Variants in HDAC9 observed in about 807,000 individuals in gnomAD.
HDAC9 encodes the protein MEF-2 interacting transcription repressor (MITR) protein.
Under a neutral mutation model 139.4 loss-of-function variants are expected in HDAC9, and 41 were observed. The ratio of observed to expected loss-of-function variants is 0.29; its 90% confidence interval spans 0.23 to 0.38. The LOEUF (loss-of-function observed/expected upper bound fraction) is 0.38, where lower values mean the gene tolerates loss of function less well. HDAC9 is among the 10% of genes least tolerant of loss of function. The pLI is 1.00. For missense variants in HDAC9, 1,147 were observed against 1,297.0 expected (o/e 0.88, Z 1.78); for synonymous variants, 517 against 476.2 (o/e 1.09, Z -1.12).
chr7:18,784,268 G>C lies in HDAC9; in HGVS notation c.2215-9077G>C, dbSNP rs565878521. On this transcript the variant is annotated intron_variant, in intron 16 of 25. Transcript: ENST00000686413. ...CTTTTCTTCTCTTTTCTTTTCTTTCGTGTCTCACCTTGTTACCCAGACTGG... is the reference window on the plus strand; with the variant it reads ...CTTTTCTTCTCTTTTCTTTTCTTTCCTGTCTCACCTTGTTACCCAGACTGG... Among the ~76,000 whole-genome samples the C allele has an allele frequency of 4.0e-5, 6 of 150,738 alleles. No homozygotes were observed. In the South Asian group the frequency reaches 1.3e-3, roughly 32 times the overall value.
At chr7:18,282,503 A>G (rs1012442393) in intron 2 of HDAC9, among the ~76,000 whole-genome samples, 3 of 152,192 alleles carry the variant, frequency 2.0e-5, no homozygotes, top group Non-Finnish European at 4.4e-5. Flanking sequence ...TTCTTAAACA[A>G]GACAATGCAA....
chr7:18,213,724 A>G (rs916379586), intron 2 of HDAC9, among the ~76,000 whole-genome samples: 4 of 152,198 alleles, frequency 2.6e-5, no homozygotes, highest in Non-Finnish European at 4.4e-5. Context: ...GAAACTATCA[A>G]TTCTTCCATT....
chr7:18,116,417 G>A (rs1252427088), intron 1 of HDAC9, among the ~76,000 whole-genome samples: 1 of 152,004 alleles, frequency 6.6e-6, no homozygotes, highest in African/African-American at 2.4e-5. Context: ...TTAATCAAAA[G>A]TACTGTGTAT....
At chr7:18,412,384 A>G (rs1480905555) in intron 1 of HDAC9, among the ~76,000 whole-genome samples, 1 of 152,230 alleles carries the variant, frequency 6.6e-6, no homozygotes, top group Non-Finnish European at 1.5e-5. Context: ...TGTATCAATC[A>G]GAGGAGAAAA....
At chr7:18,473,156 A>C (rs1401560652) in intron 1 of HDAC9, among the ~76,000 whole-genome samples, 5 of 152,044 alleles carry the variant, frequency 3.3e-5, no homozygotes, top group African/African-American at 1.2e-4. Context: ...ATTACTTAAC[A>C]CCCATTCAAA....
intron 22 of HDAC9, among the ~76,000 whole-genome samples, chr7:18,900,579 G>C (rs1261894053): frequency 6.6e-6 from 1 of 152,144 alleles, no homozygotes; most frequent in Non-Finnish European, 1.5e-5. Context: ...TATGAGAGAG[G>C]TGTTTGCTTA....
At chr7:18,341,316 A>T (rs1479744190) in intron 1 of HDAC9, among the ~76,000 whole-genome samples, 1 of 151,326 alleles carries the variant, frequency 6.6e-6, no homozygotes, top group East Asian at 1.9e-4. Flanking sequence ...AAATTTGAAA[A>T]TTTTTTTGCC....
At chr7:18,138,194 C>CT (rs1785583856) in intron 1 of HDAC9, among the ~76,000 whole-genome samples, 1 of 152,060 alleles carries the variant, frequency 6.6e-6, no homozygotes, top group Non-Finnish European at 1.5e-5. Flanking sequence ...ATTCTTCTCT[C>CT]TTTTTTTCTT....
chr7:18,375,264 G>T (rs1562930704), intron 1 of HDAC9, among the ~76,000 whole-genome samples: 1 of 152,174 alleles, frequency 6.6e-6, no homozygotes, highest in Non-Finnish European at 1.5e-5. Flanking sequence ...CAGTTCAGGA[G>T]TTTGAGACCA....
intron 25 of HDAC9, among the ~76,000 whole-genome samples, chr7:18,980,705 TTCCTTCTTCCTC>T (rs1784859040): frequency 7.2e-6 from 1 of 138,516 alleles, no homozygotes; most frequent in African/African-American, 2.6e-5. Context: ...TTCCTTCTTC[TTCCTTCTTCCTC>T]TTCTTCTTCC....
chr7:18,193,111 A>T (rs1000492726), intron 2 of HDAC9, among the ~76,000 whole-genome samples: 1 of 152,184 alleles, frequency 6.6e-6, no homozygotes, highest in African/African-American at 2.4e-5. Flanking sequence ...AATTGGATCA[A>T]AGATGCTGAT....
chr7:18,374,089 C>T (rs905948779), intron 1 of HDAC9, among the ~76,000 whole-genome samples: 1 of 151,096 alleles, frequency 6.6e-6, no homozygotes, highest in Non-Finnish European at 1.5e-5. Context: ...TGAAAAAATG[C>T]TTATTCACTA....
At chr7:18,222,356 T>G (rs1562764550) in intron 2 of HDAC9, among the ~76,000 whole-genome samples, 1 of 152,176 alleles carries the variant, frequency 6.6e-6, no homozygotes, top group Non-Finnish European at 1.5e-5. Flanking sequence ...GACAAGGACC[T>G]TATTAAACCT....
At chr7:18,273,014 C>CTTCT (rs1276143784) in intron 2 of HDAC9, among the ~76,000 whole-genome samples, 119 of 139,912 alleles carry the variant, frequency 8.5e-4, no homozygotes, top group Admixed American at 1.9e-3. Flanking sequence ...CTTCTTCTTC[C>CTTCT]TCCTCCTCCT....
At chr7:18,753,005 C>T (rs184908736) in intron 14 of HDAC9, among the ~76,000 whole-genome samples, 48 of 152,126 alleles carry the variant, frequency 3.2e-4, no homozygotes, top group African/African-American at 1.1e-3. Flanking sequence ...GTACTTTTGG[C>T]CTGGACACCA....
intron 1 of HDAC9, among the ~76,000 whole-genome samples, chr7:18,376,996 A>AT (rs1169131412): frequency 6.6e-6 from 1 of 152,132 alleles, no homozygotes; most frequent in African/African-American, 2.4e-5. Context: ...TTATTGATGA[A>AT]TTAAAGAGAC....
chr7:18,757,733 G>A (rs1584983920), intron 14 of HDAC9, among the ~76,000 whole-genome samples: 1 of 152,180 alleles, frequency 6.6e-6, no homozygotes, highest in East Asian at 1.9e-4. Context: ...TATATCGTGT[G>A]TGTGCTCTGT....
chr7:18,344,924 C>T (rs533861717), intron 1 of HDAC9, among the ~76,000 whole-genome samples: 2 of 152,068 alleles, frequency 1.3e-5, no homozygotes, highest in South Asian at 2.1e-4. Flanking sequence ...CTTTAATGAA[C>T]AAATCTTCTA....
chr7:18,331,702 A>G (rs1800937943), intron 1 of HDAC9, among the ~76,000 whole-genome samples: 1 of 151,668 alleles, frequency 6.6e-6, no homozygotes, highest in Non-Finnish European at 1.5e-5. Flanking sequence ...TGATTATCTT[A>G]AGTATACTAC....
Sources: gnomAD v4.1 joint callset for allele counts (sites outside exome capture counted in the v4.1 genomes callset) on GRCh38, gnomAD v4.1.1 for gene constraint, MANE v1.5 for transcripts, NCBI Gene and HGNC (gene_info 2026-07-23, HGNC 2026-07-21) for gene names.